LHFPL3: variants seen among roughly 807,000 people sequenced by gnomAD.
LHFPL3 encodes the protein LHFPL tetraspan subfamily member 3 protein.
LHFPL3 carries 5 observed loss-of-function variants against 19.3 expected under a neutral mutation model. The ratio of observed to expected loss-of-function variants is 0.26; its 90% CI spans 0.14 to 0.54. The LOEUF (loss-of-function observed/expected upper bound fraction) is 0.54. Among genes scored for constraint, LHFPL3 ranks in the 20% least tolerant of loss-of-function variants. The pLI is 0.94. For missense variants in LHFPL3, 249 were observed against 307.4 expected, an observed-to-expected ratio of 0.81 and a Z score of 1.42; for synonymous variants, 133 against 126.2, an observed-to-expected ratio of 1.05 and a Z score of -0.36.
chr7:104,846,569 G>C (rs560480996), intron 2 of LHFPL3, among the ~76,000 whole-genome samples: 3 of 152,268 alleles, frequency 2.0e-5, no homozygotes. Context: ...AATGGCCAAG[G>C]TTTCAAGAGA....
intron 1 of LHFPL3, among the ~76,000 whole-genome samples, chr7:104,535,928 C>A (rs772460250): frequency 3.3e-5 from 5 of 152,210 alleles, no homozygotes; most frequent in Non-Finnish European, 7.3e-5. Context: ...CATACCTCAA[C>A]GACCTTTGGG....
In LHFPL3 at chr7:104,340,201, T is replaced by A. The variant is rs561140830; in HGVS notation, c.445+10977T>A. Among the ~76,000 whole-genome samples the A allele has an allele frequency of 5.4e-3, 817 of 152,272 alleles. 6 individuals carry two copies. Among genetic ancestry groups the A allele is most frequent in the Non-Finnish European group, 7.4e-3 (501 of 67,998 alleles). Reference sequence around the variant, plus strand: ...GTACAATTCTATTCCAGATTTTTTTTAAAAAGAGATTGCAAGTTATAGACA... The same window carrying A: ...GTACAATTCTATTCCAGATTTTTTTAAAAAAGAGATTGCAAGTTATAGACA... On this transcript the variant is annotated intron_variant, in intron 1 of 2. Transcript: ENST00000424859.
chr7:104,748,250 G>C (rs1420266180), intron 2 of LHFPL3, among the ~76,000 whole-genome samples: 1 of 151,974 alleles, frequency 6.6e-6, no homozygotes, highest in Admixed American at 6.6e-5. Flanking sequence ...AGGAAAGCCA[G>C]TATTGTCCAA....
At chr7:104,720,631 C>G (rs1793471716) in intron 1 of LHFPL3, among the ~76,000 whole-genome samples, 1 of 152,038 alleles carries the variant, frequency 6.6e-6, no homozygotes, top group African/African-American at 2.4e-5. Flanking sequence ...AAAAATTTTG[C>G]AATCTACTCA....
chr7:104,705,673 G>T (rs1471761269), intron 1 of LHFPL3, among the ~76,000 whole-genome samples: 1 of 152,072 alleles, frequency 6.6e-6, no homozygotes, highest in Non-Finnish European at 1.5e-5. Flanking sequence ...AGGACTCTAG[G>T]GTTCCCCAGG....
At chr7:104,734,088 T>C (rs1793755544) in intron 1 of LHFPL3, among the ~76,000 whole-genome samples, 1 of 152,228 alleles carries the variant, frequency 6.6e-6, no homozygotes, top group South Asian at 2.1e-4. Context: ...TGCTGAGAGA[T>C]CAGCTGTTAG....
intron 1 of LHFPL3, among the ~76,000 whole-genome samples, chr7:104,622,509 A>G (rs1423867347): frequency 6.6e-6 from 1 of 152,210 alleles, no homozygotes; most frequent in Non-Finnish European, 1.5e-5. Context: ...TCTTTAATAT[A>G]TTCATAGATT....
At chr7:104,729,451 A>G (rs1350263829) in intron 1 of LHFPL3, among the ~76,000 whole-genome samples, 1 of 152,152 alleles carries the variant, frequency 6.6e-6, no homozygotes, top group Non-Finnish European at 1.5e-5. Flanking sequence ...CTACTGTGCA[A>G]CAGAACACCA....
At chr7:104,868,538 A>C (rs1363976836) in intron 2 of LHFPL3, among the ~76,000 whole-genome samples, 9 of 152,262 alleles carry the variant, frequency 5.9e-5, no homozygotes, top group African/African-American at 2.2e-4. Flanking sequence ...GGACCTCTTC[A>C]AGGAGAACTA....
chr7:104,389,025 AT>A (rs1420180051), intron 1 of LHFPL3, among the ~76,000 whole-genome samples: 1 of 152,164 alleles, frequency 6.6e-6, no homozygotes, highest in Non-Finnish European at 1.5e-5. Flanking sequence ...AGCCAAGGCA[AT>A]TTTGTAAGAC....
intron 1 of LHFPL3, among the ~76,000 whole-genome samples, chr7:104,632,593 C>G (rs1791663298): frequency 6.6e-6 from 1 of 152,168 alleles, no homozygotes; most frequent in Non-Finnish European, 1.5e-5. Context: ...ATAGCTAACC[C>G]TTTTAAATTG....
At chr7:104,516,783 T>C (rs902803940) in intron 1 of LHFPL3, among the ~76,000 whole-genome samples, 13 of 152,018 alleles carry the variant, frequency 8.6e-5, no homozygotes, top group African/African-American at 2.9e-4. Flanking sequence ...GACCCAATAA[T>C]CCCATTACTG....
intron 2 of LHFPL3, among the ~76,000 whole-genome samples, chr7:104,857,760 A>C (rs562029481): frequency 2.0e-5 from 3 of 152,296 alleles, no homozygotes; most frequent in Non-Finnish European, 4.4e-5. Context: ...TGTTAATGTT[A>C]GTCTTTTTCC....
At chr7:104,648,849 G>C (rs533920867) in intron 1 of LHFPL3, among the ~76,000 whole-genome samples, 1 of 152,156 alleles carries the variant, frequency 6.6e-6, no homozygotes, top group Non-Finnish European at 1.5e-5. Flanking sequence ...TCTCTTCATC[G>C]CCATGCAGTG....
At chr7:104,808,973 A>G (rs538206738) in intron 2 of LHFPL3, among the ~76,000 whole-genome samples, 4 of 147,380 alleles carry the variant, frequency 2.7e-5, no homozygotes, top group Non-Finnish European at 5.9e-5. Context: ...TTGGCTCACT[A>G]CAACCTCCAT....
intron 1 of LHFPL3, among the ~76,000 whole-genome samples, chr7:104,580,297 G>GTA (rs1347253238): frequency 1.3e-5 from 2 of 152,092 alleles, no homozygotes; most frequent in East Asian, 1.9e-4. Flanking sequence ...GATAACTGAA[G>GTA]TACAATGTTA....
chr7:104,628,772 AC>A (rs1472032770), intron 1 of LHFPL3, among the ~76,000 whole-genome samples: 1 of 152,170 alleles, frequency 6.6e-6, no homozygotes, highest in Non-Finnish European at 1.5e-5. Flanking sequence ...ATTTTAACTA[AC>A]GTTTGGTTCC....
At chr7:104,557,121 C>T (rs1343951119) in intron 1 of LHFPL3, among the ~76,000 whole-genome samples, 2 of 152,202 alleles carry the variant, frequency 1.3e-5, no homozygotes, top group African/African-American at 4.8e-5. Context: ...CTGTTTTCTT[C>T]TAAGCCCTCC....
intron 2 of LHFPL3, among the ~76,000 whole-genome samples, chr7:104,745,254 T>C (rs1206167188): frequency 6.6e-6 from 1 of 152,200 alleles, no homozygotes; most frequent in Non-Finnish European, 1.5e-5. Context: ...CCCTTCCTCT[T>C]TCTCCTTCTT....
Sources: allele counts gnomAD v4.1 joint callset (sites outside exome capture counted in the v4.1 genomes callset), GRCh38; gene constraint gnomAD v4.1.1; transcripts MANE v1.5; gene names NCBI Gene and HGNC (gene_info 2026-07-23, HGNC 2026-07-21).